PPP1R1C: variants seen among roughly 807,000 people sequenced by gnomAD.
PPP1R1C encodes protein phosphatase 1 regulatory subunit 1C.
PPP1R1C carries 15 observed loss-of-function variants against 17.4 expected under a neutral mutation model. The ratio of observed to expected loss-of-function variants is 0.86; its 90% CI spans 0.58 to 1.33. The LOEUF (loss-of-function observed/expected upper bound fraction) is 1.33, where lower values mean the gene tolerates loss of function less well. Among genes scored for constraint, PPP1R1C ranks in the 40% most tolerant of loss-of-function variants. PPP1R1C has a pLI of 0.00. For missense variants in PPP1R1C, 143 were observed against 130.0 expected (o/e 1.10, Z -0.48); for synonymous variants, 35 against 43.1 (o/e 0.81, Z 0.73).
Position 181,986,140 on chromosome 2 carries a change from G to C in PPP1R1C, c.30G>C (p.Gln10His). 2 of 1,613,826 alleles carry C rather than the reference G, an allele frequency of 1.2e-6. No homozygotes were observed. The highest frequency in any genetic ancestry group is 2.2e-5 in the South Asian group (2 of 91,074). The change falls in exon 1 of 5, where the codon CAG becomes CAC. Residue 10 changes from glutamine (Q) to histidine (H), a missense_variant. By Grantham distance (24) the Gln-to-His change is conservative (BLOSUM62 0). Coordinates refer to ENST00000682840, the MANE Select transcript of PPP1R1C (RefSeq NM_001080545.3). ...AGCCCAACAGTCCCAAAAAGATACA[G>C]TTTGCCGTGCCTGTATTCCAGAGTC... MEPNSPKKI[Q>H]FAVPVFQSQI...
intron 2 of PPP1R1C, among the ~76,000 whole-genome samples, chr2:182,047,249 T>G (rs1687375332): frequency 6.6e-6 from 1 of 152,162 alleles, no homozygotes; most frequent in Non-Finnish European, 1.5e-5. Flanking sequence ...AATGAAATAT[T>G]AGTGTTTTAA....
chr2:182,043,158 T>C (rs1687236170), intron 2 of PPP1R1C, among the ~76,000 whole-genome samples: 1 of 152,224 alleles, frequency 6.6e-6, no homozygotes, highest in African/African-American at 2.4e-5. Context: ...TATATTTAGA[T>C]GAATGCAAAA....
chr2:182,055,497 AG>A (rs1205392277), intron 2 of PPP1R1C, among the ~76,000 whole-genome samples: 1 of 152,064 alleles, frequency 6.6e-6, no homozygotes, highest in Admixed American at 6.6e-5. Context: ...CTGGTTATAG[AG>A]GACTTCCTTT....
downstream of PPP1R1C, among the ~76,000 whole-genome samples, chr2:182,118,948 C>T (rs959210527): frequency 1.3e-5 from 2 of 151,654 alleles, no homozygotes; most frequent in African/African-American, 4.8e-5. Context: ...TACATGTGCA[C>T]AACATGCAGG....
At chr2:182,119,625 G>T (rs1689682319), downstream of PPP1R1C, among the ~76,000 whole-genome samples, 2 of 152,280 alleles carry the variant, frequency 1.3e-5, no homozygotes, top group South Asian at 4.1e-4. Context: ...GTATCTCATT[G>T]TGGTTTTGAT....
At chr2:182,010,826 C>G (rs1278173523) in intron 2 of PPP1R1C, among the ~76,000 whole-genome samples, 1 of 151,948 alleles carries the variant, frequency 6.6e-6, no homozygotes, top group Admixed American at 6.6e-5. Context: ...GGGTTTTTAT[C>G]ATACAGGGAT....
chr2:182,072,132 A>G (rs966795050), intron 4 of PPP1R1C, among the ~76,000 whole-genome samples: 2 of 152,206 alleles, frequency 1.3e-5, no homozygotes, highest in African/African-American at 4.8e-5. Context: ...TCAGTATGCT[A>G]AGGTGTACAC....
chr2:182,023,526 G>GTATCAA (rs921594900), intron 2 of PPP1R1C, among the ~76,000 whole-genome samples: 1 of 152,126 alleles, frequency 6.6e-6, no homozygotes, highest in African/African-American at 2.4e-5. Flanking sequence ...AAATTATATA[G>GTATCAA]TATCAAATTT....
At chr2:182,076,658 C>T (rs999989864) in intron 4 of PPP1R1C, among the ~76,000 whole-genome samples, 3 of 152,046 alleles carry the variant, frequency 2.0e-5, no homozygotes, top group Non-Finnish European at 4.4e-5. Flanking sequence ...GTAATTCCCT[C>T]TTTGTGCAAT....
intron 1 of PPP1R1C, among the ~76,000 whole-genome samples, chr2:181,971,593 C>T (rs1685007808): frequency 6.6e-6 from 1 of 152,124 alleles, no homozygotes; most frequent in Non-Finnish European, 1.5e-5. Context: ...AGGTCACGTT[C>T]CCTGCAAGTC....
intron 2 of PPP1R1C, among the ~76,000 whole-genome samples, chr2:182,016,163 A>G (rs1325843021): frequency 1.3e-5 from 2 of 152,122 alleles, no homozygotes; most frequent in African/African-American, 2.4e-5. Flanking sequence ...ATGGGCATCC[A>G]ATGCGAAGAC....
At chr2:182,000,901 T>C (rs1685741692) in intron 2 of PPP1R1C, among the ~76,000 whole-genome samples, 1 of 152,174 alleles carries the variant, frequency 6.6e-6, no homozygotes, top group African/African-American at 2.4e-5. Context: ...TCCATGTATA[T>C]GAGGCCTTAT....
intron 2 of PPP1R1C, among the ~76,000 whole-genome samples, chr2:181,998,567 C>T (rs774635914): frequency 9.2e-5 from 14 of 152,158 alleles, no homozygotes; most frequent in Non-Finnish European, 1.8e-4. Flanking sequence ...TGCACTAAAG[C>T]TGAGGCTTGA....
intron 4 of PPP1R1C, among the ~76,000 whole-genome samples, chr2:182,100,293 C>A (rs539302475): frequency 1.4e-4 from 22 of 152,024 alleles, no homozygotes; most frequent in Admixed American, 1.4e-3. Flanking sequence ...GGGTGAATCA[C>A]GAGGTCAAGA....
upstream of PPP1R1C, among the ~76,000 whole-genome samples, chr2:181,983,508 AC>A (rs1361797936): frequency 1.3e-5 from 2 of 152,026 alleles, no homozygotes; most frequent in African/African-American, 4.8e-5. Flanking sequence ...GGAAAATTAT[AC>A]CCCCCATGCA....
intron 4 of PPP1R1C, among the ~76,000 whole-genome samples, chr2:182,096,292 G>T (rs1688934460): frequency 6.6e-6 from 1 of 152,128 alleles, no homozygotes; most frequent in Non-Finnish European, 1.5e-5. Context: ...TGGATTGAGG[G>T]TCATATGACC....
intron 2 of PPP1R1C, among the ~76,000 whole-genome samples, chr2:182,039,481 C>T (rs1462301357): frequency 1.3e-5 from 2 of 152,110 alleles, no homozygotes; most frequent in Non-Finnish European, 2.9e-5. Flanking sequence ...ACCTCCCCGA[C>T]TCAGGTAATT....
chr2:182,110,661 G>T (rs146392534), intron 4 of PPP1R1C, among the ~76,000 whole-genome samples: 1 of 152,238 alleles, frequency 6.6e-6, no homozygotes, highest in Non-Finnish European at 1.5e-5. Context: ...TGCTTCTGTG[G>T]CTGTAAATGC....
rs1367619074 is a variant in PPP1R1C at position 181,961,794 on chromosome 2, G to A, written n.111+7160G>A. On this transcript the variant is annotated intron_variant and non_coding_transcript_variant, in intron 1 of 5. Transcript: ENST00000464264. This position sits in a 1 kb window ranked among gnomAD's most constrained non-coding sequence, Gnocchi z 5.8. ...CTACCTCCACGGTCAACTCAGAGCT[G>A]GCAATCTGGGCTTGTAGGCCTTTTA... The A allele has an allele frequency of 6.8e-6, 9 of 1,318,064 alleles. No homozygotes were observed. In the East Asian group the frequency reaches 2.1e-4, roughly 30 times the overall value. 81.6% of individuals were successfully genotyped at this position (1,318,064 alleles called of 1,614,324 possible).
Sources: gnomAD v4.1 joint callset for allele counts (sites outside exome capture counted in the v4.1 genomes callset) on GRCh38, gnomAD v4.1.1 for gene constraint, Gnocchi (gnomAD v3.1) non-coding constraint, MANE v1.5 for transcripts, NCBI Gene and HGNC (gene_info 2026-07-23, HGNC 2026-07-21) for gene names.